FNDC3B: variants seen among roughly 807,000 people sequenced by gnomAD.
The protein encoded by FNDC3B is fibronectin type III domain containing 3B, also known as fibronectin type III domain-containing protein 3B.
FNDC3B carries 12 observed loss-of-function variants against 151.5 expected under a neutral mutation model. That is an observed-to-expected ratio of 0.08 (90% CI 0.05 to 0.13). The LOEUF (loss-of-function observed/expected upper bound fraction) is 0.13, where lower values mean the gene tolerates loss of function less well. Ranked by LOEUF, FNDC3B falls within the 10% of genes least tolerant of loss-of-function variation. The pLI is 1.00. For missense variants in FNDC3B, 1,214 were observed against 1,505.3 expected (o/e 0.81, Z 3.20); for synonymous variants, 528 against 549.0 (o/e 0.96, Z 0.54).
intron 6 of FNDC3B, among the ~76,000 whole-genome samples, chr3:172,281,531 G>C (rs4894540): frequency 0.53 from 80,955 of 152,144 alleles, 24,982 homozygotes; most frequent in African/African-American, 0.87. Flanking sequence ...GTTTACTTAC[G>C]TTGTGGCTGC....
At chr3:172,262,142 T>C (rs1728679177) in intron 6 of FNDC3B, among the ~76,000 whole-genome samples, 1 of 152,186 alleles carries the variant, frequency 6.6e-6, no homozygotes. Context: ...GATGATTGGA[T>C]AGACTGTGGA....
At chr3:172,207,215 A>G (rs913155138) in intron 3 of FNDC3B, among the ~76,000 whole-genome samples, 10 of 152,160 alleles carry the variant, frequency 6.6e-5, no homozygotes, top group African/African-American at 2.4e-4. Flanking sequence ...GGGAAACAGG[A>G]TATTAATTTG....
chr3:172,248,075 C>T (rs933822746), intron 5 of FNDC3B, among the ~76,000 whole-genome samples: 2 of 152,158 alleles, frequency 1.3e-5, no homozygotes, highest in African/African-American at 4.8e-5. Context: ...AGTGTGACAT[C>T]GTTCCCATGT....
chr3:172,352,031 G>A lies in FNDC3B; in HGVS notation c.2515-772G>A, dbSNP rs1034825135. The stretch of plus-strand genomic sequence containing the variant: ...TGGCGTTTACTCCTTGAGACAAGAC[G>A]ACATCTCCAAATGTTTGAGTAGAGG... On this transcript the variant is annotated intron_variant, in intron 21 of 25. Coordinates refer to ENST00000415807, the MANE Select transcript of FNDC3B (RefSeq NM_022763.4). This position sits in a 1 kb window ranked among gnomAD's most constrained non-coding sequence, Gnocchi z 4.2. Among the ~76,000 whole-genome samples the A allele has an allele frequency of 6.6e-6, 1 of 152,170 alleles. No homozygotes were observed. The highest frequency in any genetic ancestry group is 1.5e-5 in the Non-Finnish European group (1 of 68,038).
Position 172,174,933 on chromosome 3 carries a change from ACCC to A in FNDC3B, c.187+41398_187+41400del, listed in dbSNP as rs1269639185. ...GGACTTTGGAGACCTTCCCCCCGCC[ACCC>A]CCCCCCCCCCAATACAATTTGCTGT... is the stretch of plus-strand genomic sequence containing the variant. On this transcript the variant is annotated intron_variant, in intron 3 of 25. Transcript: ENST00000415807. Among the ~76,000 whole-genome samples, 8 of 18,318 alleles carry A rather than the reference ACCC, an allele frequency of 4.4e-4. 1 individual carries two copies. The highest frequency in any genetic ancestry group is 4.0e-3 in the South Asian group (1 of 252). The allele number at this position is 18,318 out of a possible 152,430, so 12.0% of individuals were successfully genotyped here. A position where few individuals can be genotyped will look rare whatever the true frequency, so the allele number is the denominator to read the frequency against.
chr3:172,197,349 T>C (rs1724890938), intron 3 of FNDC3B, among the ~76,000 whole-genome samples: 1 of 152,170 alleles, frequency 6.6e-6, no homozygotes, highest in African/African-American at 2.4e-5. Flanking sequence ...ACAGAGAACA[T>C]GTTTTTTCTG....
intron 1 of FNDC3B, among the ~76,000 whole-genome samples, chr3:172,043,939 C>G (rs1716228274): frequency 6.6e-6 from 1 of 152,178 alleles, no homozygotes; most frequent in Non-Finnish European, 1.5e-5. Flanking sequence ...TCCTCTCATA[C>G]CCGCGTCCAT....
chr3:172,305,233 G>A (rs897068204), intron 9 of FNDC3B, among the ~76,000 whole-genome samples: 5 of 152,148 alleles, frequency 3.3e-5, no homozygotes, highest in Middle Eastern at 3.4e-3. Context: ...TCACAATCCC[G>A]GGACTGTTCC....
intron 1 of FNDC3B, among the ~76,000 whole-genome samples, chr3:172,057,296 G>T (rs564345035): frequency 6.6e-6 from 1 of 152,052 alleles, no homozygotes; most frequent in African/African-American, 2.4e-5. Context: ...TCTCTGTCAT[G>T]GTGTAAAGAC....
chr3:172,331,199 T>A (rs768878647), intron 13 of FNDC3B, among the ~76,000 whole-genome samples: 1 of 152,186 alleles, frequency 6.6e-6, no homozygotes, highest in Non-Finnish European at 1.5e-5. Context: ...GTCAGCACCC[T>A]GCTCAGAATC....
At position 172,169,374 on chromosome 3, in the gene FNDC3B, T is replaced by C. The variant is rs150471590; in HGVS notation, c.187+35828T>C. On this transcript the variant is annotated intron_variant, in intron 3 of 25. Coordinates refer to ENST00000415807, the MANE Select transcript of FNDC3B (RefSeq NM_022763.4). ...GCCTGCCTGTAGGAGCTAACTGGTA[T>C]GTTTGGTAGTGGAGGCATCGGACAG... Among the ~76,000 whole-genome samples, 15 of 152,346 alleles carry C rather than the reference T, an allele frequency of 9.8e-5. No individual in the cohort carries two copies. In the East Asian group the frequency reaches 2.7e-3, roughly 27 times the overall value.
At chr3:172,196,856 T>C (rs1361900075) in intron 3 of FNDC3B, among the ~76,000 whole-genome samples, 1 of 152,190 alleles carries the variant, frequency 6.6e-6, no homozygotes, top group Non-Finnish European at 1.5e-5. Context: ...GGGTTAAATA[T>C]ATGCTTTCGG....
chr3:172,105,393 C>T (rs1413120794), intron 1 of FNDC3B, among the ~76,000 whole-genome samples: 1 of 152,032 alleles, frequency 6.6e-6, no homozygotes, highest in Non-Finnish European at 1.5e-5. Context: ...CATTTAGAAA[C>T]TAGTCTTATA....
chr3:172,306,431 A>G (rs1276224141), intron 9 of FNDC3B, among the ~76,000 whole-genome samples: 1 of 152,222 alleles, frequency 6.6e-6, no homozygotes, highest in Non-Finnish European at 1.5e-5. Flanking sequence ...GAGGGTGGCT[A>G]TAAGAATTAA....
chr3:172,065,078 A>G (rs935631328), intron 1 of FNDC3B, among the ~76,000 whole-genome samples: 3 of 152,224 alleles, frequency 2.0e-5, no homozygotes, highest in African/African-American at 7.2e-5. Context: ...TCACGCCTGT[A>G]ATCCCAGCAC....
chr3:172,321,534 T>TTTTTG (rs59464072), intron 11 of FNDC3B: 33 of 175,914 alleles, frequency 1.9e-4, no homozygotes, highest in South Asian at 4.5e-4. Flanking sequence ...TTTGCTTTTG[T>TTTTTG]TTTTGTTTTG....
intron 3 of FNDC3B, among the ~76,000 whole-genome samples, chr3:172,212,044 C>G (rs1725757167): frequency 6.6e-6 from 1 of 152,166 alleles, no homozygotes; most frequent in Admixed American, 6.5e-5. Context: ...ATTGCATAGA[C>G]TGATTCTTCA....
At chr3:172,235,596 G>A (rs1480344310) in intron 4 of FNDC3B, among the ~76,000 whole-genome samples, 1 of 152,092 alleles carries the variant, frequency 6.6e-6, no homozygotes, top group Non-Finnish European at 1.5e-5. Flanking sequence ...AAAGAGCAGG[G>A]GTCAGAGTAT....
At chr3:172,305,315 A>T (rs368169028) in intron 9 of FNDC3B, among the ~76,000 whole-genome samples, 5 of 152,234 alleles carry the variant, frequency 3.3e-5, no homozygotes, top group Admixed American at 2.0e-4. Flanking sequence ...ATGTGTGAAT[A>T]TGTGGTTTGG....
Sources: gnomAD v4.1 joint callset for allele counts (sites outside exome capture counted in the v4.1 genomes callset) on GRCh38, gnomAD v4.1.1 for gene constraint, Gnocchi (gnomAD v3.1) non-coding constraint, MANE v1.5 for transcripts, NCBI Gene and HGNC (gene_info 2026-07-23, HGNC 2026-07-21) for gene names.